SNTB2: variants seen among roughly 807,000 people sequenced by gnomAD.
SNTB2 encodes beta-2-syntrophin.
In SNTB2, 34 loss-of-function variants were observed where a neutral mutation model predicts 46.2. The observed-to-expected ratio is 0.74, with a 90% CI of 0.56 to 0.98. The LOEUF is 0.98. Among genes scored for constraint, SNTB2 ranks in the 50% least tolerant of loss-of-function variants. SNTB2 has a pLI of 0.00. For missense variants in SNTB2, 603 were observed against 731.4 expected (o/e 0.82, Z 2.02); for synonymous variants, 290 against 312.6 (o/e 0.93, Z 0.76).
In SNTB2 at chr16:69,199,977, C is replaced by T. The variant is rs141403338; in HGVS notation, c.580+12231C>T. Among the ~76,000 whole-genome samples, 366 of 152,116 alleles carry T rather than the reference C, an allele frequency of 2.4e-3. 2 individuals are homozygous for T. The highest frequency in any genetic ancestry group is 6.8e-3 in the African/African-American group (281 of 41,500). On this transcript the variant is annotated intron_variant, in intron 1 of 6. Coordinates refer to ENST00000336278, the MANE Select transcript of SNTB2 (RefSeq NM_006750.4). ...TCGCCCAGGCTGGAGTGCAGTGGCA[C>T]GATCTCAGCTCACCGCAACCTCCAT...
chr16:69,263,919 G>T (rs1259525280), intron 3 of SNTB2, among the ~76,000 whole-genome samples: 1 of 147,746 alleles, frequency 6.8e-6, no homozygotes, highest in African/African-American at 2.5e-5. Flanking sequence ...GTCTCACTCT[G>T]TTGCAGTGGC....
chr16:69,246,311 G>T (rs1303550769), intron 2 of SNTB2, among the ~76,000 whole-genome samples: 2 of 152,102 alleles, frequency 1.3e-5, no homozygotes, highest in African/African-American at 4.8e-5. Flanking sequence ...TGCATCTATT[G>T]AGATAATCAT....
chr16:69,254,909 T>C (rs1293283083), intron 2 of SNTB2, among the ~76,000 whole-genome samples: 5 of 151,868 alleles, frequency 3.3e-5, no homozygotes, highest in Admixed American at 6.6e-5. Flanking sequence ...ACTTGAGACC[T>C]GTATGGTCAA....
chr16:69,287,057 GA>G (rs1479250236), intron 5 of SNTB2, among the ~76,000 whole-genome samples: 1 of 152,192 alleles, frequency 6.6e-6, no homozygotes, highest in Non-Finnish European at 1.5e-5. Flanking sequence ...ACAAAAGTTT[GA>G]AAATGTGTGC....
intron 2 of SNTB2, among the ~76,000 whole-genome samples, chr16:69,257,067 A>G (rs1964783849): frequency 6.6e-6 from 1 of 151,574 alleles, no homozygotes; most frequent in Admixed American, 6.6e-5. Context: ...GCTACTTGGG[A>G]GGCTGAGGCA....
intron 1 of SNTB2, among the ~76,000 whole-genome samples, chr16:69,218,507 T>G (rs1382457938): frequency 1.3e-5 from 2 of 151,946 alleles, no homozygotes; most frequent in Non-Finnish European, 2.9e-5. Flanking sequence ...CTGCAAGCTC[T>G]GCCTCCCAGG....
At chr16:69,233,168 G>A (rs553974472) in intron 1 of SNTB2, among the ~76,000 whole-genome samples, 1 of 152,256 alleles carries the variant, frequency 6.6e-6, no homozygotes, top group South Asian at 2.1e-4. Context: ...CTCATGCCTA[G>A]CAAGAGGAAA....
At chr16:69,216,988 G>C (rs1212802802) in intron 1 of SNTB2, among the ~76,000 whole-genome samples, 1 of 152,048 alleles carries the variant, frequency 6.6e-6, no homozygotes, top group Non-Finnish European at 1.5e-5. Flanking sequence ...TTTGCTTCTG[G>C]AGTGGGAAGC....
rs1458506891 is a variant in SNTB2 at position 69,301,106 on chromosome 16, C to T, written c.*182C>T. On this transcript the variant is annotated 3_prime_UTR_variant, in exon 7 of 7. Transcript: ENST00000336278. ...GCCTACCTTTCACAGTCTACCTTGG[C>T]CAGATATTCTAGCACTCTAAAAGGC... The T allele has an allele frequency of 5.5e-6, 3 of 545,016 alleles. No homozygotes were observed. Among genetic ancestry groups the T allele is most frequent in the Non-Finnish European group, 9.9e-6 (3 of 302,272 alleles). 33.8% of individuals were successfully genotyped at this position (545,016 alleles called of 1,614,324 possible).
chr16:69,298,662 C>A (rs538543788), intron 5 of SNTB2, among the ~76,000 whole-genome samples: 1 of 151,980 alleles, frequency 6.6e-6, no homozygotes, highest in Non-Finnish European at 1.5e-5. Context: ...GCTGGGATTA[C>A]AGGCATGTGC....
intron 1 of SNTB2, among the ~76,000 whole-genome samples, chr16:69,245,257 G>T (rs1024673677): frequency 1.3e-5 from 2 of 152,094 alleles, no homozygotes; most frequent in African/African-American, 2.4e-5. Flanking sequence ...GGAGTGCAGT[G>T]GCACAATCTC....
chr16:69,204,261 C>T (rs9938937), intron 1 of SNTB2, among the ~76,000 whole-genome samples: 17,065 of 152,144 alleles, frequency 0.11, 1,192 homozygotes, highest in Middle Eastern at 0.22. Flanking sequence ...GAGTACTCTT[C>T]TTCACTTGTA....
At chr16:69,269,546 C>T (rs2143117174) in intron 3 of SNTB2, among the ~76,000 whole-genome samples, 1 of 152,118 alleles carries the variant, frequency 6.6e-6, no homozygotes, top group Non-Finnish European at 1.5e-5. Context: ...TAACAGATTA[C>T]ATTGCACAAA....
rs1332434991 is a variant in SNTB2, at chr16:69,308,686, A to C, written c.*7762A>C. 3 of 152,202 alleles carry C rather than the reference A, an allele frequency of 2.0e-5. No homozygotes were observed. The highest frequency in any genetic ancestry group is 4.4e-5 in the Non-Finnish European group (3 of 68,034). The allele number at this position is 152,202 out of a possible 1,614,324, so 9.4% of individuals were successfully genotyped here. On this transcript the variant is annotated 3_prime_UTR_variant, in exon 7 of 7. Transcript: ENST00000336278. ...ATTTTTAAGTATAAAGACTTAGAAA[A>C]CTAGAATAATGCTTTTACAAATAAT...
chr16:69,274,938 C>A (rs1210194204), intron 4 of SNTB2, among the ~76,000 whole-genome samples: 1 of 152,110 alleles, frequency 6.6e-6, no homozygotes, highest in Non-Finnish European at 1.5e-5. Context: ...ATGGGTGGGT[C>A]TTATAGAGCT....
rs1965324826 is a variant in SNTB2 at position 69,307,467 on chromosome 16, T to C, written c.*6543T>C. ...TAAGATAAATCACAACAACAAAAATTAAGTTTTATTGCACAAAGTAGATAA... is the reference window on the plus strand; with the variant it reads ...TAAGATAAATCACAACAACAAAAATCAAGTTTTATTGCACAAAGTAGATAA... On this transcript the variant is annotated 3_prime_UTR_variant, in exon 7 of 7. Coordinates refer to ENST00000336278, the MANE Select transcript of SNTB2 (RefSeq NM_006750.4). The C allele has an allele frequency of 6.6e-6, 1 of 152,192 alleles. No individual in the cohort carries two copies. The highest frequency in any genetic ancestry group is 2.1e-4 in the South Asian group (1 of 4,828). 9.4% of individuals were successfully genotyped at this position (152,192 alleles called of 1,614,324 possible). A position where few individuals can be genotyped will look rare whatever the true frequency, so the allele number is the denominator to read the frequency against.
At chr16:69,295,868 T>C (rs1427521020) in intron 5 of SNTB2, among the ~76,000 whole-genome samples, 1 of 152,208 alleles carries the variant, frequency 6.6e-6, no homozygotes, top group African/African-American at 2.4e-5. Flanking sequence ...CATCATTGCA[T>C]CACTGTGGTG....
intron 1 of SNTB2, among the ~76,000 whole-genome samples, chr16:69,198,172 A>C (rs1477565407): frequency 6.7e-6 from 1 of 149,264 alleles, no homozygotes; most frequent in South Asian, 2.1e-4. Context: ...GTGCAGTGGC[A>C]ATCTCAGCTC....
At chr16:69,223,256 G>A (rs2152293894) in intron 1 of SNTB2, among the ~76,000 whole-genome samples, 1 of 146,830 alleles carries the variant, frequency 6.8e-6, no homozygotes, top group Admixed American at 6.8e-5. Flanking sequence ...GCAGTCGTGT[G>A]ATCTTGGCTC....
Sources: gnomAD v4.1 joint callset for allele counts (sites outside exome capture counted in the v4.1 genomes callset) on GRCh38, gnomAD v4.1.1 for gene constraint, MANE v1.5 for transcripts, NCBI Gene and HGNC (gene_info 2026-07-23, HGNC 2026-07-21) for gene names.